Variants in PARPBP observed in about 807,000 individuals in gnomAD.
The protein encoded by PARPBP is PARP1 binding protein.
In PARPBP, 52 loss-of-function variants were observed where a neutral mutation model predicts 50.0. The observed-to-expected ratio is 1.04, with a 90% CI of 0.83 to 1.31. PARPBP has a LOEUF of 1.31. PARPBP is among the 50% of genes most tolerant of loss of function. The probability of loss-of-function intolerance (pLI) is 0.00; values close to 1 mark genes in which losing one functional copy is unlikely to be tolerated. For synonymous variants in PARPBP, 244 were observed against 232.1 expected (o/e 1.05, Z -0.47); for missense variants, 697 against 672.0 (o/e 1.04, Z -0.41).
chr12:102,164,829 G>GTA, intron 5 of PARPBP: 2 of 560,204 alleles, frequency 3.6e-6, no homozygotes, highest in South Asian at 4.3e-5. Flanking sequence ...TCTGTATAGT[G>GTA]CTAGCCCTGA....
At chr12:102,148,672 T>G in intron 3 of PARPBP, 1 of 419,690 alleles carries the variant, frequency 2.4e-6, no homozygotes, top group South Asian at 5.5e-5. Flanking sequence ...TTATTGTTAT[T>G]TAGTTGCTAT....
chr12:102,149,291 A>G lies in PARPBP; in HGVS notation c.387+828A>G, dbSNP rs56177788. Among the ~76,000 whole-genome samples the G allele has an allele frequency of 6.6e-3, 1,012 of 152,326 alleles. 9 individuals are homozygous for G. Among genetic ancestry groups the G allele is most frequent in the Middle Eastern group, 0.027 (8 of 294 alleles). On this transcript the variant is annotated intron_variant, in intron 3 of 10. Coordinates refer to ENST00000327680, the MANE Select transcript of PARPBP (RefSeq NM_017915.5). ...GAAACCTCCACTACAATAGTTATTGAGAGAAAAATAGAAGTATAACTCTTT... is the reference window on the plus strand; with the variant it reads ...GAAACCTCCACTACAATAGTTATTGGGAGAAAAATAGAAGTATAACTCTTT...
chr12:102,120,938 TTCTG>T (rs1382678226), intron 1 of PARPBP, among the ~76,000 whole-genome samples: 9 of 152,202 alleles, frequency 5.9e-5, no homozygotes, highest in African/African-American at 2.2e-4. Context: ...AGTGACAATT[TTCTG>T]TCTCACAGTT....
chr12:102,147,278 C>G (rs531978739), intron 2 of PARPBP, among the ~76,000 whole-genome samples: 56 of 152,214 alleles, frequency 3.7e-4, no homozygotes, highest in African/African-American at 1.0e-3. Context: ...TATGTTTATT[C>G]TGGCACTATT....
chr12:102,184,046 G>GAAAAAAAAAAAA lies in PARPBP; in HGVS notation c.1263+1428_1263+1439dup, dbSNP rs71438459. Among the ~76,000 whole-genome samples the GAAAAAAAAAAAA allele has an allele frequency of 1.2e-3, 71 of 59,900 alleles. 1 individual carries two copies. Among genetic ancestry groups the GAAAAAAAAAAAA allele is most frequent in the African/African-American group, 3.6e-3 (50 of 13,902 alleles). 39.3% of individuals were successfully genotyped at this position (59,900 alleles called of 152,430 possible). On this transcript the variant is annotated intron_variant, in intron 9 of 10. Coordinates refer to ENST00000327680, the MANE Select transcript of PARPBP (RefSeq NM_017915.5). ...TGGGTGACAAAATGAGACTCTATCT[G>GAAAAAAAAAAAA]AAAAAAAAAAAAAAAAAAAAGAAAG...
intron 4 of PARPBP, among the ~76,000 whole-genome samples, chr12:102,159,004 C>T (rs1887273040): frequency 6.6e-6 from 1 of 152,096 alleles, no homozygotes; most frequent in South Asian, 2.1e-4. Flanking sequence ...AGAATTTTAC[C>T]TACTAGTTCA....
chr12:102,156,066 A>G (rs947460983), intron 4 of PARPBP, among the ~76,000 whole-genome samples: 6 of 152,060 alleles, frequency 3.9e-5, no homozygotes, highest in Admixed American at 3.3e-4. Flanking sequence ...TCAGAGAACA[A>G]GAGGCTTGCT....
intron 2 of PARPBP, among the ~76,000 whole-genome samples, chr12:102,137,552 C>T (rs1362413887): frequency 7.3e-5 from 11 of 151,484 alleles, no homozygotes; most frequent in African/African-American, 1.2e-4. Context: ...ATGTGCACAA[C>T]GTGCAGGTTT....
intron 2 of PARPBP, among the ~76,000 whole-genome samples, chr12:102,126,896 T>A (rs1882081619): frequency 6.6e-6 from 1 of 152,214 alleles, no homozygotes; most frequent in Non-Finnish European, 1.5e-5. Context: ...GTTAATCTAA[T>A]TTATTCATTT....
intron 2 of PARPBP, among the ~76,000 whole-genome samples, chr12:102,140,674 G>C (rs576475684): frequency 6.6e-6 from 1 of 152,170 alleles, no homozygotes; most frequent in Admixed American, 6.5e-5. Flanking sequence ...AGAGATTCTG[G>C]TGTGTTGTGT....
chr12:102,140,316 G>GATATCACAA (rs1203966071), intron 2 of PARPBP, among the ~76,000 whole-genome samples: 1 of 152,142 alleles, frequency 6.6e-6, no homozygotes, highest in Non-Finnish European at 1.5e-5. Context: ...ATTTCTGTGG[G>GATATCACAA]ATTGGTGGTG....
At chr12:102,184,871 A>G (rs912858042) in intron 9 of PARPBP, among the ~76,000 whole-genome samples, 6 of 152,148 alleles carry the variant, frequency 3.9e-5, no homozygotes, top group African/African-American at 1.4e-4. Context: ...TTAGCAGCTG[A>G]TTATCTTATT....
intron 3 of PARPBP, among the ~76,000 whole-genome samples, chr12:102,149,868 G>T (rs1885952458): frequency 6.6e-6 from 1 of 152,106 alleles, no homozygotes; most frequent in African/African-American, 2.4e-5. Flanking sequence ...TATTTTATTT[G>T]CTTGCTTACA....
chr12:102,134,106 A>C (rs1484931313), intron 2 of PARPBP, among the ~76,000 whole-genome samples: 1 of 151,894 alleles, frequency 6.6e-6, no homozygotes, highest in Non-Finnish European at 1.5e-5. Context: ...AATAATAAAG[A>C]TGAGAGCAGA....
chr12:102,147,771 G>C (rs1475480088), intron 2 of PARPBP, among the ~76,000 whole-genome samples: 1 of 151,718 alleles, frequency 6.6e-6, no homozygotes, highest in Non-Finnish European at 1.5e-5. Context: ...CTAAACCCTT[G>C]GAATATTGTG....
At chr12:102,161,064 G>A (rs1565882736) in intron 4 of PARPBP, among the ~76,000 whole-genome samples, 1 of 151,854 alleles carries the variant, frequency 6.6e-6, no homozygotes, top group African/African-American at 2.4e-5. Flanking sequence ...ACCTTTCTTT[G>A]TAAGGCACCA....
chr12:102,195,825 A>C, intron 10 of PARPBP, 126 bp from the exon 11 acceptor site: 1 of 613,570 alleles, frequency 1.6e-6, no homozygotes, highest in Non-Finnish European at 2.8e-6. Context: ...CATATTATTT[A>C]TAGCATTATT....
chr12:102,151,105 G>A (rs1886125983), intron 3 of PARPBP, among the ~76,000 whole-genome samples: 1 of 125,746 alleles, frequency 8.0e-6, no homozygotes, highest in African/African-American at 3.4e-5. Flanking sequence ...AGAGAAGGAT[G>A]AGTTAGCTGC....
chr12:102,196,776 G>A lies in PARPBP; in HGVS notation c.*485G>A, dbSNP rs1891348584. On this transcript the variant is annotated 3_prime_UTR_variant, in exon 11 of 11. Transcript: ENST00000327680. ...CAAAATTTATTAAGAAAAAAAGAAT[G>A]GATCTAGTATAACTAATTCTGAGTA... The A allele has an allele frequency of 7.3e-6, 9 of 1,225,810 alleles. No homozygotes were observed. The highest frequency in any genetic ancestry group is 1.2e-6 in the Non-Finnish European group (1 of 833,296). The allele number at this position is 1,225,810 out of a possible 1,614,324, so 75.9% of individuals were successfully genotyped here.
Sources: allele counts gnomAD v4.1 joint callset (sites outside exome capture counted in the v4.1 genomes callset), GRCh38; gene constraint gnomAD v4.1.1; transcripts MANE v1.5; gene names NCBI Gene and HGNC (gene_info 2026-07-23, HGNC 2026-07-21).